The following CAST variants were observed in gnomAD, a reference collection of about 807,000 sequenced individuals.
The protein encoded by CAST is calpastatin, also known as MIR583 host.
A neutral mutation model predicts 119.6 loss-of-function variants in CAST; 76 were observed. The observed-to-expected ratio is 0.64, with a 90% confidence interval of 0.53 to 0.77. The LOEUF is 0.77. Among genes scored for constraint, CAST ranks in the 30% least tolerant of loss-of-function variants. The pLI is 0.00. For synonymous variants in CAST, 319 were observed against 331.6 expected (o/e 0.96, Z 0.41); for missense variants, 953 against 946.5 (o/e 1.01, Z -0.09).
intron 1 of CAST, among the ~76,000 whole-genome samples, chr5:96,593,791 C>T (rs956370570): frequency 6.6e-6 from 1 of 152,178 alleles, no homozygotes; most frequent in Non-Finnish European, 1.5e-5. Context: ...GGAAGATAGC[C>T]ATTTGCCACC....
the CAST span, among the ~76,000 whole-genome samples, chr5:96,294,911 C>T: frequency 6.6e-6 from 1 of 152,150 alleles, no homozygotes; most frequent in Non-Finnish European, 1.5e-5. Flanking sequence ...GAGAGCAAGG[C>T]ATATAATATT....
At chr5:96,107,982 C>A in the CAST span, among the ~76,000 whole-genome samples, 4 of 152,066 alleles carry the variant, frequency 2.6e-5, no homozygotes, top group East Asian at 7.7e-4. Context: ...TTTCATCTTC[C>A]ATTGCTGATA....
At chr5:96,726,912 C>T in intron 5 of CAST, 53 bp downstream of exon 5, 1 of 1,261,334 alleles carries the variant, frequency 7.9e-7, no homozygotes, top group Non-Finnish European at 1.2e-6. Context: ...GTTACATCAC[C>T]CGCTCAGCAT....
chr5:96,412,750 A>ATTTTTTTTTTTTTTTTTTTT, the CAST span, among the ~76,000 whole-genome samples: 1 of 63,388 alleles, frequency 1.6e-5, no homozygotes, highest in African/African-American at 7.9e-5. Flanking sequence ...GGCAGCTGTG[A>ATTTTTTTTTTTTTTTTTTTT]TGTTTTTTTT....
At chr5:96,144,123 A>G in the CAST span, among the ~76,000 whole-genome samples, 2 of 152,242 alleles carry the variant, frequency 1.3e-5, no homozygotes, top group Admixed American at 1.3e-4. Context: ...GAACATAACA[A>G]TTATGACTGT....
At chr5:96,671,875 T>C (rs1446627999) in intron 1 of CAST, among the ~76,000 whole-genome samples, 1 of 152,208 alleles carries the variant, frequency 6.6e-6, no homozygotes, top group African/African-American at 2.4e-5. Context: ...CATTCCCAAG[T>C]ATTTCATTCC....
At chr5:96,325,244 A>G in the CAST span, among the ~76,000 whole-genome samples, 1 of 152,138 alleles carries the variant, frequency 6.6e-6, no homozygotes, top group East Asian at 1.9e-4. Context: ...GTAGGAAACT[A>G]AAGCTGAAGA....
the CAST span, among the ~76,000 whole-genome samples, chr5:96,098,609 G>A: frequency 6.6e-6 from 1 of 152,214 alleles, no homozygotes; most frequent in East Asian, 1.9e-4. Flanking sequence ...TTTCTGTCAA[G>A]TTTGTCAAAG....
the CAST span, among the ~76,000 whole-genome samples, chr5:96,360,992 T>C: frequency 1.3e-5 from 2 of 152,200 alleles, no homozygotes; most frequent in African/African-American, 4.8e-5. Flanking sequence ...TATAAGCCCC[T>C]GACTGGGATT....
the CAST span, among the ~76,000 whole-genome samples, chr5:96,126,297 T>C: frequency 6.6e-6 from 1 of 152,304 alleles, no homozygotes; most frequent in African/African-American, 2.4e-5. Context: ...GAAGCTATAC[T>C]GAGAAATAGA....
At chr5:96,045,858 G>T in the CAST span, among the ~76,000 whole-genome samples, 1 of 152,092 alleles carries the variant, frequency 6.6e-6, no homozygotes, top group Non-Finnish European at 1.5e-5. Context: ...GTACAAAAAA[G>T]TTTCTCTGGT....
the CAST span, among the ~76,000 whole-genome samples, chr5:96,485,236 C>T: frequency 6.6e-6 from 1 of 152,086 alleles, no homozygotes; most frequent in Non-Finnish European, 1.5e-5. Context: ...CCTGAAGGAA[C>T]AATACGAACA....
chr5:96,279,509 C>T, the CAST span, among the ~76,000 whole-genome samples: 2 of 152,000 alleles, frequency 1.3e-5, no homozygotes, highest in African/African-American at 2.4e-5. Context: ...GACCATGGTC[C>T]TAAGGAATTC....
chr5:96,646,078 G>T (rs1437704924), intron 1 of CAST, among the ~76,000 whole-genome samples: 1 of 152,000 alleles, frequency 6.6e-6, no homozygotes, highest in Non-Finnish European at 1.5e-5. Context: ...CCACAAGGAG[G>T]TAATGTTTTT....
the CAST span, among the ~76,000 whole-genome samples, chr5:96,348,507 A>AATCTCCAT: frequency 6.6e-6 from 1 of 152,122 alleles, no homozygotes; most frequent in Non-Finnish European, 1.5e-5. Context: ...GGTAAGGGAC[A>AATCTCCAT]ATCTCCATAT....
At chr5:96,019,908 T>C in the CAST span, among the ~76,000 whole-genome samples, 130 of 152,332 alleles carry the variant, frequency 8.5e-4, no homozygotes, top group African/African-American at 2.9e-3. Context: ...ACTCTTAAGA[T>C]GAGAATAATG....
the CAST span, among the ~76,000 whole-genome samples, chr5:96,232,962 A>T: frequency 6.6e-6 from 1 of 152,106 alleles, no homozygotes; most frequent in African/African-American, 2.4e-5. Flanking sequence ...AAACACTTGC[A>T]TATGTTAACA....
Position 96,729,180 on chromosome 5 carries a change from C to T in CAST, c.406C>T (p.Gln136Ter). 2 of 1,601,378 alleles carry T rather than the reference C, an allele frequency of 1.2e-6. No individual in the cohort carries two copies. The highest frequency in any genetic ancestry group is 1.7e-6 in the Non-Finnish European group (2 of 1,169,648). The change falls in exon 7 of 32, where the codon CAA becomes TAA. Residue 136 changes from glutamine to a stop codon, truncating the protein, a stop_gained. Coordinates refer to ENST00000675179, the MANE Select transcript of CAST (RefSeq NM_001750.7). LOFTEE classifies it high-confidence loss of function. ...KLSVVHEKKS[Q>*]EGKPKEHTEP... ...GTCTGTGGTTCATGAGAAAAAATCC[C>T]AAGAAGGAAAGCCAAAAGAACACAC...
chr5:96,449,502 A>G, the CAST span, among the ~76,000 whole-genome samples: 1 of 152,226 alleles, frequency 6.6e-6, no homozygotes, highest in Non-Finnish European at 1.5e-5. Flanking sequence ...CTTCCATGAA[A>G]TCAGTCCCTG....
Sources: allele counts gnomAD v4.1 joint callset (sites outside exome capture counted in the v4.1 genomes callset), GRCh38; gene constraint gnomAD v4.1.1; transcripts MANE v1.5; gene names NCBI Gene and HGNC (gene_info 2026-07-23, HGNC 2026-07-21).